ATP8B1: variants seen among roughly 807,000 people sequenced by gnomAD.
The protein encoded by ATP8B1 is phospholipid-transporting ATPase IC.
Under a neutral mutation model 149.9 loss-of-function variants are expected in ATP8B1, and 80 were observed. The ratio of observed to expected loss-of-function variants is 0.53; its 90% confidence interval spans 0.45 to 0.64. The LOEUF is 0.64. ATP8B1 is among the 30% of genes least tolerant of loss of function. ATP8B1 has a pLI of 0.00. For synonymous variants in ATP8B1, 536 were observed against 562.8 expected, an observed-to-expected ratio of 0.95 and a Z score of 0.67; for missense variants, 1,247 against 1,552.6, an observed-to-expected ratio of 0.80 and a Z score of 3.31.
chr18:57,715,607 A>C (rs1302189880), intron 2 of ATP8B1, among the ~76,000 whole-genome samples: 3 of 152,204 alleles, frequency 2.0e-5, no homozygotes. Context: ...AAAAGGAAGG[A>C]TCCTAAAAGC....
intron 15 of ATP8B1, 119 bp downstream of exon 15, chr18:57,683,917 T>C: frequency 7.8e-7 from 1 of 1,283,774 alleles, no homozygotes; most frequent in South Asian, 1.2e-5. Flanking sequence ...AAATATTCAC[T>C]GCATTCTAAT....
At chr18:57,693,719 AAATAAT>A (rs948579950) in intron 11 of ATP8B1, among the ~76,000 whole-genome samples, 1 of 151,970 alleles carries the variant, frequency 6.6e-6, no homozygotes, top group Non-Finnish European at 1.5e-5. Flanking sequence ...AAAAAAAAAC[AAATAAT>A]AATAATAATA....
chr18:57,762,050 A>G (rs1478688356), intron 1 of ATP8B1, among the ~76,000 whole-genome samples: 2 of 151,288 alleles, frequency 1.3e-5, no homozygotes, highest in Admixed American at 1.3e-4. Flanking sequence ...GCCTTAGTGT[A>G]CGCTGTTCAC....
At chr18:57,695,021 C>G (rs1209260784) in intron 10 of ATP8B1, 150 bp downstream of exon 10, 1 of 736,846 alleles carries the variant, frequency 1.4e-6, no homozygotes, top group Non-Finnish European at 2.0e-6. Context: ...CAGAGTGAGA[C>G]TCTGTCTCAA....
chr18:57,714,400 A>G (rs897614969), intron 2 of ATP8B1, among the ~76,000 whole-genome samples: 1 of 152,120 alleles, frequency 6.6e-6, no homozygotes, highest in African/African-American at 2.4e-5. Context: ...ACAACAGGGC[A>G]TTGAGGGAAC....
intron 15 of ATP8B1, among the ~76,000 whole-genome samples, chr18:57,680,615 C>CAAAACAA (rs1555691199): frequency 2.9e-5 from 4 of 137,732 alleles, no homozygotes; most frequent in African/African-American, 1.1e-4. Flanking sequence ...CAAAACAAAA[C>CAAAACAA]AAAAAAAAAA....
At chr18:57,755,236 T>G (rs8099397) in intron 1 of ATP8B1, among the ~76,000 whole-genome samples, 40,552 of 151,968 alleles carry the variant, frequency 0.27, 6,012 homozygotes, top group African/African-American at 0.4. Flanking sequence ...TCCCATCAGA[T>G]TTGCCTTATT....
At chr18:57,786,587 C>T (rs73446935) in intron 1 of ATP8B1, among the ~76,000 whole-genome samples, 3,073 of 152,298 alleles carry the variant, frequency 0.02, 85 homozygotes, top group African/African-American at 0.062. Flanking sequence ...TAGCTACCAT[C>T]TCCGAGATGG....
chr18:57,778,228 C>CTTTTTTT (rs5825238), intron 1 of ATP8B1, among the ~76,000 whole-genome samples: 2 of 97,686 alleles, frequency 2.0e-5, no homozygotes, highest in Admixed American at 1.3e-4. Flanking sequence ...TTTTCTTTTT[C>CTTTTTTT]TTTTTTTTTT....
At chr18:57,736,782 G>A (rs2079861239) in intron 1 of ATP8B1, among the ~76,000 whole-genome samples, 1 of 151,882 alleles carries the variant, frequency 6.6e-6, no homozygotes, top group African/African-American at 2.4e-5. Flanking sequence ...GTTGACTTTT[G>A]TGTATGGTGA....
intron 22 of ATP8B1, among the ~76,000 whole-genome samples, chr18:57,657,018 T>A (rs1910051328): frequency 6.6e-6 from 1 of 152,136 alleles, no homozygotes. Context: ...ACAGGATACC[T>A]GTGCAGAACG....
chr18:57,680,497 T>C (rs1911893011), intron 15 of ATP8B1, among the ~76,000 whole-genome samples: 1 of 151,350 alleles, frequency 6.6e-6, no homozygotes, highest in African/African-American at 2.4e-5. Flanking sequence ...GGCAGGAGAA[T>C]TGATTAAACC....
At chr18:57,729,125 G>T (rs2079735563) in intron 2 of ATP8B1, among the ~76,000 whole-genome samples, 1 of 152,118 alleles carries the variant, frequency 6.6e-6, no homozygotes. Context: ...AGAATGGGCA[G>T]GCAGAGTTGT....
At chr18:57,668,142 C>A in intron 19 of ATP8B1, 1 of 1,365,266 alleles carries the variant, frequency 7.3e-7, no homozygotes, top group Non-Finnish European at 9.6e-7. Flanking sequence ...ATGGCCCTTT[C>A]AGGACGGGAA....
intron 12 of ATP8B1, among the ~76,000 whole-genome samples, chr18:57,689,432 A>T (rs150550335): frequency 5.9e-5 from 9 of 152,352 alleles, no homozygotes; most frequent in African/African-American, 2.2e-4. Context: ...ACTATAAGGG[A>T]CATTACCTAT....
intron 1 of ATP8B1, chr18:57,740,380 G>A (rs966698033): frequency 5.3e-5 from 8 of 151,384 alleles, no homozygotes; most frequent in East Asian, 1.9e-4. Flanking sequence ...TTAACATATC[G>A]TAATATATAA....
At chr18:57,694,539 C>T (rs1397554006) in intron 11 of ATP8B1, 43 bp downstream of exon 11, 2 of 1,290,066 alleles carry the variant, frequency 1.6e-6, no homozygotes, top group Non-Finnish European at 2.2e-6. Context: ...GTGCAAAAGA[C>T]AGCAATCTAG....
At chr18:57,760,386 A>G (rs760539805) in intron 1 of ATP8B1, among the ~76,000 whole-genome samples, 1 of 151,944 alleles carries the variant, frequency 6.6e-6, no homozygotes, top group Non-Finnish European at 1.5e-5. Flanking sequence ...TGTCCCTAAG[A>G]CCCCTCCAGC....
intron 8 of ATP8B1, among the ~76,000 whole-genome samples, chr18:57,696,068 G>A (rs989610161): frequency 1.3e-5 from 2 of 152,128 alleles, no homozygotes; most frequent in East Asian, 1.9e-4. Flanking sequence ...AGGGCAGGCC[G>A]GGGCAGGTGC....
Sources: allele counts gnomAD v4.1 joint callset (sites outside exome capture counted in the v4.1 genomes callset), GRCh38; gene constraint gnomAD v4.1.1; transcripts MANE v1.5; gene names NCBI Gene and HGNC (gene_info 2026-07-23, HGNC 2026-07-21).